DNAH1: variants seen among roughly 807,000 people sequenced by gnomAD.
The protein encoded by DNAH1 is axonemal beta dynein heavy chain 1.
DNAH1 carries 327 observed loss-of-function variants against 484.3 expected under a neutral mutation model. The observed-to-expected ratio is 0.68, with a 90% CI of 0.62 to 0.74. The LOEUF (loss-of-function observed/expected upper bound fraction) is 0.74, where lower values mean the gene tolerates loss of function less well. Ranked by LOEUF, DNAH1 falls within the 30% of genes least tolerant of loss-of-function variation. The pLI is 0.00. For missense variants in DNAH1, 5,052 were observed against 5,546.8 expected (o/e 0.91, Z 2.83); for synonymous variants, 2,192 against 2,191.9 (o/e 1.00, Z 0.00).
At chr3:52,321,589 T>C (rs1701149967) in intron 1 of DNAH1, 1 of 152,156 alleles carries the variant, frequency 6.6e-6, no homozygotes, top group Non-Finnish European at 1.5e-5. Context: ...AAAGCAACAG[T>C]GGCTTTGCAA....
chr3:52,373,111 A>G (rs1703422695), intron 44 of DNAH1, 58 bp downstream of exon 44: 9 of 1,530,518 alleles, frequency 5.9e-6, no homozygotes, highest in African/African-American at 1.4e-5. Flanking sequence ...GCAGGGGCAC[A>G]GGAGGCACAG....
rs1336502141 is a variant in DNAH1, at chr3:52,395,877, C to T, written c.11259+199C>T. Reference sequence around the variant, plus strand: ...CCCCACCCCCAGTTACCTGTACAAGCGGTGATGTGACTTGTCCAGGGACAC... The same window carrying T: ...CCCCACCCCCAGTTACCTGTACAAGTGGTGATGTGACTTGTCCAGGGACAC... On this transcript the variant is annotated intron_variant, in intron 70 of 77. Transcript: ENST00000420323. This position sits in a 1 kb window ranked among gnomAD's most constrained non-coding sequence, Gnocchi z 4.4. Among the ~76,000 whole-genome samples, 4 of 151,886 alleles carry T rather than the reference C, an allele frequency of 2.6e-5. No individual in the cohort carries two copies. Among genetic ancestry groups the T allele is most frequent in the African/African-American group, 7.3e-5 (3 of 41,338 alleles).
At chr3:52,370,057 C>T in intron 38 of DNAH1, 38 bp downstream of exon 38, 1 of 1,613,582 alleles carries the variant, frequency 6.2e-7, no homozygotes, top group Non-Finnish European at 8.5e-7. Context: ...CCTGGCAGGG[C>T]AGCAGGGCAC....
intron 32 of DNAH1, among the ~76,000 whole-genome samples, chr3:52,363,633 T>G (rs748155002): frequency 1.3e-5 from 2 of 152,224 alleles, no homozygotes; most frequent in African/African-American, 2.4e-5. Flanking sequence ...CTGTTCAGCT[T>G]GGTTCCCAAA....
intron 64 of DNAH1, 40 bp from the exon 65 acceptor site, chr3:52,392,790 T>C (rs1463171064): frequency 2.5e-6 from 3 of 1,197,964 alleles, no homozygotes; most frequent in Admixed American, 4.2e-5. Context: ...CCCCCTACCT[T>C]CTGCTCTTTG....
intron 6 of DNAH1, among the ~76,000 whole-genome samples, chr3:52,330,796 C>T (rs554799725): frequency 1.1e-3 from 169 of 152,340 alleles, no homozygotes; most frequent in African/African-American, 4.0e-3. Flanking sequence ...TCATTCCTGA[C>T]CTTTACAACT....
intron 8 of DNAH1, among the ~76,000 whole-genome samples, chr3:52,340,591 C>A (rs910470803): frequency 6.6e-6 from 1 of 151,954 alleles, no homozygotes; most frequent in South Asian, 2.1e-4. Context: ...GTTACCACCA[C>A]GCCTAGCTAA....
At chr3:52,348,103 C>T in intron 12 of DNAH1, 129 bp downstream of exon 12, 1 of 933,794 alleles carries the variant, frequency 1.1e-6, no homozygotes, top group Non-Finnish European at 1.6e-6. Flanking sequence ...CATGCTCAGC[C>T]CTGTAAATCT....
chr3:52,366,553 G>T lies in DNAH1; in HGVS notation c.5610+5G>T. ...ACAGGCTCCGGCAAGAGTACTGTAA[G>T]CAGAGCCAAGCTTGGCAGCCAGTGT... On this transcript the variant is annotated splice_donor_5th_base_variant and intron_variant, in intron 35 of 77. Transcript: ENST00000420323. The T allele has an allele frequency of 6.3e-7, 1 of 1,585,706 alleles. No homozygotes were observed. Among genetic ancestry groups the T allele is most frequent in the Non-Finnish European group, 8.6e-7 (1 of 1,166,670 alleles).
In DNAH1 at chr3:52,368,795, C is replaced by T; in HGVS notation, c.5820C>T (p.Thr1940=). The change falls in exon 37 of 78, where the codon ACC becomes ACT. Residue 1940 remains threonine (T), a synonymous_variant. Transcript: ENST00000420323. The surrounding 1 kb of genome is among the most constrained non-coding windows in gnomAD (Gnocchi z 4.4). ...FIRAGAITSD[T]NKKWYMFDGP... ...GGGCGGGGGCCATCACCTCCGACACCAACAAGAAGTGGTACATGTTCGATG... is the reference window on the plus strand; with the variant it reads ...GGGCGGGGGCCATCACCTCCGACACTAACAAGAAGTGGTACATGTTCGATG... The T allele has an allele frequency of 6.2e-7, 1 of 1,613,990 alleles. No individual in the cohort carries two copies. Among genetic ancestry groups the T allele is most frequent in the Non-Finnish European group, 8.5e-7 (1 of 1,179,890 alleles).
In DNAH1 at chr3:52,386,300, G is replaced by T. The variant is rs375730838; in HGVS notation, c.8766G>T (p.Ala2922=). ...ACGAGGCGTTGCCAGCCCTGGATGC[G>T]GCTCTGGCCAGCCTGCGCAACCTCA... is the stretch of plus-strand genomic sequence containing the variant. The part of the protein sequence containing the change: ...DLDEALPALD[A]ALASLRNLNK... Residue 2922 remains alanine (A), a synonymous_variant, in exon 55 of 78, where the codon GCG becomes GCT. Coordinates refer to ENST00000420323, the MANE Select transcript of DNAH1 (RefSeq NM_015512.5). 2 of 1,602,266 alleles carry T rather than the reference G, an allele frequency of 1.2e-6. No homozygotes were observed. Among genetic ancestry groups the T allele is most frequent in the East Asian group, 4.5e-5 (2 of 44,138 alleles).
chr3:52,391,048 G>A lies in DNAH1; in HGVS notation c.9735G>A (p.Lys3245=). The change falls in exon 61 of 78, where the codon AAG becomes AAA. Residue 3245 remains lysine, a synonymous_variant. Transcript: ENST00000420323. Reference sequence around the variant, plus strand: ...AGAGCCAGGCCAACAAATGGATCAAGAACATGGTGAGCCCACCCACCAGGC... The same window carrying A: ...AGAGCCAGGCCAACAAATGGATCAAAAACATGGTGAGCCCACCCACCAGGC... ...DPQSQANKWI[K]NMEKDNGLDV... is the part of the protein sequence containing the mutation. 1 of 1,564,124 alleles carries A rather than the reference G, an allele frequency of 6.4e-7. No individual in the cohort carries two copies. Among genetic ancestry groups the A allele is most frequent in the Non-Finnish European group, 8.7e-7 (1 of 1,154,116 alleles).
intron 76 of DNAH1, 111 bp downstream of exon 76, chr3:52,399,312 T>C: frequency 8.4e-7 from 1 of 1,197,112 alleles, no homozygotes; most frequent in Non-Finnish European, 1.2e-6. Context: ...AGCCAGGGCA[T>C]GGAAAGACCC....
chr3:52,362,862 A>T lies in DNAH1; in HGVS notation c.5095-133A>T. 3 of 1,243,372 alleles carry T rather than the reference A, an allele frequency of 2.4e-6. No homozygotes were observed. Among genetic ancestry groups the T allele is most frequent in the Non-Finnish European group, 3.4e-6 (3 of 874,172 alleles). The allele number at this position is 1,243,372 out of a possible 1,614,324, so 77.0% of individuals were successfully genotyped here. ...ATGGCAGAGCTACCAGTCTCAGGGG[A>T]GTGAAAGCCTCAGCTGTGGCAGGCT... is the stretch of plus-strand genomic sequence containing the variant. On this transcript the variant is annotated intron_variant, in intron 31 of 77. Transcript: ENST00000420323. This position sits in a 1 kb window ranked among gnomAD's most constrained non-coding sequence, Gnocchi z 5.1.
At chr3:52,320,415 A>G (rs902420797) in intron 1 of DNAH1, among the ~76,000 whole-genome samples, 1 of 152,172 alleles carries the variant, frequency 6.6e-6, no homozygotes, top group Admixed American at 6.5e-5. Context: ...CTTTGGGCTG[A>G]ATGTCTGGGG....
chr3:52,362,408 G>A lies in DNAH1; in HGVS notation c.5001G>A (p.Glu1667=), dbSNP rs1702900764. 2 of 1,613,844 alleles carry A rather than the reference G, an allele frequency of 1.2e-6. No homozygotes were observed. The highest frequency in any genetic ancestry group is 8.5e-7 in the Non-Finnish European group (1 of 1,179,846). The change falls in exon 31 of 78, where the codon GAG becomes GAA. Residue 1667 remains glutamate (E), a synonymous_variant. Transcript: ENST00000420323. The surrounding 1 kb of genome is among the most constrained non-coding windows in gnomAD (Gnocchi z 5.1). ...QQQRVERFMF[E]GVEIPLVPSC... is the part of the protein sequence containing the mutation. ...TGCAGGTGGAACGCTTCATGTTTGAGGGTGTGGAGATCCCACTGGTGCCAT... is the reference window on the plus strand; with the variant it reads ...TGCAGGTGGAACGCTTCATGTTTGAAGGTGTGGAGATCCCACTGGTGCCAT...
At position 52,382,439 on chromosome 3, in the gene DNAH1, T is replaced by C. The variant is rs1311154608; in HGVS notation, c.7925T>C (p.Leu2642Pro). Residue 2642 changes from leucine (L) to proline (P), a missense_variant, in exon 50 of 78, where the codon CTC becomes CCC. Around this residue, in one of 4 missense-constraint regions of DNAH1, gnomAD observed 2,929 missense variants for 3,409.4 expected, o/e 0.86. Coordinates refer to ENST00000420323, the MANE Select transcript of DNAH1 (RefSeq NM_015512.5). ...AGLQNLPITF[L>P]FSDTQIKNES... ...CTACAGAACCTACCCATCACCTTCC[T>C]CTTCTCAGACACCCAGGTGCCACTG... 6.2e-7 allele frequency: 1 copy of C among 1,613,752 alleles called. No individual in the cohort carries two copies. The highest frequency in any genetic ancestry group is 8.5e-7 in the Non-Finnish European group (1 of 1,179,816).
At chr3:52,342,764 CAG>C (rs1391431467) in intron 8 of DNAH1, among the ~76,000 whole-genome samples, 5 of 152,122 alleles carry the variant, frequency 3.3e-5, no homozygotes, top group Non-Finnish European at 5.9e-5. Context: ...AAGCGAGGAA[CAG>C]GGGATGGAGA....
chr3:52,394,829 C>T, intron 67 of DNAH1, 86 bp from the exon 68 acceptor site: 1 of 1,545,766 alleles, frequency 6.5e-7, no homozygotes, highest in Non-Finnish European at 8.8e-7. Flanking sequence ...CCCACTCTCC[C>T]CAGCTGTCCG....
Sources: gnomAD v4.1 joint callset for allele counts (sites outside exome capture counted in the v4.1 genomes callset) on GRCh38, gnomAD v4.1.1 for gene constraint, gnomAD v4.1.1 regional missense constraint, Gnocchi (gnomAD v3.1) non-coding constraint, MANE v1.5 for transcripts, NCBI Gene and HGNC (gene_info 2026-07-23, HGNC 2026-07-21) for gene names.